The following KCNB2 variants were observed in gnomAD, a reference collection of about 807,000 sequenced individuals.
The protein encoded by KCNB2 is potassium voltage-gated channel subfamily B member 2, also known as delayed rectifier potassium channel protein.
In KCNB2, 15 loss-of-function variants were observed where a neutral mutation model predicts 61.5. That is an observed-to-expected ratio of 0.24 (90% CI 0.16 to 0.38). The LOEUF (loss-of-function observed/expected upper bound fraction) is 0.38. Ranked by LOEUF, KCNB2 falls within the 10% of genes least tolerant of loss-of-function variation. The pLI, the probability that KCNB2 is intolerant of heterozygous loss-of-function variation, is 1.00. For missense variants in KCNB2, 828 were observed against 1,125.2 expected (o/e 0.74, Z 3.78); for synonymous variants, 457 against 446.0 (o/e 1.02, Z -0.31).
intron 2 of KCNB2, among the ~76,000 whole-genome samples, chr8:72,846,119 G>A (rs575717536): frequency 9.8e-5 from 15 of 152,286 alleles, no homozygotes; most frequent in East Asian, 5.8e-4. Context: ...TGTGAAGACC[G>A]TGGGAAAAGC....
intron 2 of KCNB2, among the ~76,000 whole-genome samples, chr8:72,626,612 C>A (rs140672231): frequency 3.2e-4 from 48 of 152,228 alleles, no homozygotes; most frequent in African/African-American, 1.1e-3. Flanking sequence ...ATTTTATTTT[C>A]TTAAAAGGAT....
At chr8:72,848,911 T>A (rs1403769318) in intron 2 of KCNB2, among the ~76,000 whole-genome samples, 1 of 151,814 alleles carries the variant, frequency 6.6e-6, no homozygotes, top group Non-Finnish European at 1.5e-5. Flanking sequence ...CACTAGAATA[T>A]CTCAAAAAAA....
At chr8:72,908,384 A>G (rs1377852726) in intron 2 of KCNB2, among the ~76,000 whole-genome samples, 1 of 152,122 alleles carries the variant, frequency 6.6e-6, no homozygotes, top group East Asian at 1.9e-4. Flanking sequence ...ACTATTATCT[A>G]TCTCCCCAAC....
intron 2 of KCNB2, among the ~76,000 whole-genome samples, chr8:72,785,744 G>A (rs1305915773): frequency 6.6e-6 from 1 of 152,104 alleles, no homozygotes; most frequent in African/African-American, 2.4e-5. Flanking sequence ...CCATAAATCC[G>A]TTTTTCCTTT....
intron 2 of KCNB2, among the ~76,000 whole-genome samples, chr8:72,628,630 T>A (rs188567521): frequency 1.4e-3 from 215 of 152,288 alleles, no homozygotes; most frequent in Middle Eastern, 6.8e-3. Flanking sequence ...AAGGTTGGTA[T>A]CTCAGGAGAA....
At chr8:72,551,307 T>C (rs1224830726) in intron 1 of KCNB2, among the ~76,000 whole-genome samples, 2 of 152,164 alleles carry the variant, frequency 1.3e-5, no homozygotes, top group Non-Finnish European at 2.9e-5. Context: ...CCACTTTTCT[T>C]AGGATAAGGT....
intron 2 of KCNB2, among the ~76,000 whole-genome samples, chr8:72,737,226 C>A (rs1202476888): frequency 2.6e-5 from 4 of 152,090 alleles, no homozygotes; most frequent in Non-Finnish European, 4.4e-5. Flanking sequence ...GTTTAGTTTG[C>A]AAATAATTTC....
intron 2 of KCNB2, among the ~76,000 whole-genome samples, chr8:72,827,493 A>C (rs1167300308): frequency 1.3e-5 from 2 of 152,218 alleles, no homozygotes; most frequent in Admixed American, 6.5e-5. Context: ...TAATTGCTAC[A>C]TCGGGACCCA....
chr8:72,912,789 C>T (rs997603735), intron 2 of KCNB2, among the ~76,000 whole-genome samples: 3 of 152,082 alleles, frequency 2.0e-5, no homozygotes, highest in South Asian at 4.2e-4. Flanking sequence ...AGGCTGCATA[C>T]TTAACTGTTA....
intron 2 of KCNB2, among the ~76,000 whole-genome samples, chr8:72,775,750 G>A (rs892287814): frequency 9.3e-5 from 14 of 151,236 alleles, no homozygotes; most frequent in African/African-American, 2.2e-4. Context: ...TGACCCACAG[G>A]TAAGAATAGC....
At chr8:72,731,686 G>A (rs1035883984) in intron 2 of KCNB2, among the ~76,000 whole-genome samples, 1 of 152,182 alleles carries the variant, frequency 6.6e-6, no homozygotes, top group Non-Finnish European at 1.5e-5. Context: ...CAGGCAATGT[G>A]GAATGCTAAG....
At chr8:72,594,168 G>C (rs999441997) in intron 2 of KCNB2, among the ~76,000 whole-genome samples, 9 of 152,088 alleles carry the variant, frequency 5.9e-5, no homozygotes, top group Non-Finnish European at 1.0e-4. Flanking sequence ...ATATATGATA[G>C]CCTTCAAAGG....
At position 72,797,787 on chromosome 8, in the gene KCNB2, C is replaced by T. The variant is rs555071269; in HGVS notation, c.580-138148C>T. Among the ~76,000 whole-genome samples, 8 of 152,260 alleles carry T rather than the reference C, an allele frequency of 5.3e-5. 1 individual carries two copies. Among genetic ancestry groups the T allele is most frequent in the African/African-American group, 1.2e-4 (5 of 41,536 alleles). On this transcript the variant is annotated intron_variant, in intron 2 of 2. Coordinates refer to ENST00000523207, the MANE Select transcript of KCNB2 (RefSeq NM_004770.3). ...AATACATGACAACTCCCAGGGGTTG[C>T]GTGTAATGCCACTGTGGCATACCCC...
intron 2 of KCNB2, among the ~76,000 whole-genome samples, chr8:72,899,520 T>G (rs1383139211): frequency 6.6e-6 from 1 of 152,142 alleles, no homozygotes; most frequent in Non-Finnish European, 1.5e-5. Context: ...ATAAATGACT[T>G]TAGTAAAGTT....
chr8:72,557,730 C>A (rs1806450834), intron 1 of KCNB2, among the ~76,000 whole-genome samples: 2 of 152,146 alleles, frequency 1.3e-5, no homozygotes, highest in Non-Finnish European at 2.9e-5. Flanking sequence ...TTGTGCATAC[C>A]TGACAGGTGA....
chr8:72,584,592 C>A (rs1437600759), intron 2 of KCNB2, among the ~76,000 whole-genome samples: 2 of 152,124 alleles, frequency 1.3e-5, no homozygotes, highest in East Asian at 3.8e-4. Flanking sequence ...AAGATTCACC[C>A]AATGATAACA....
At chr8:72,767,663 T>A (rs776179345) in intron 2 of KCNB2, among the ~76,000 whole-genome samples, 1 of 152,274 alleles carries the variant, frequency 6.6e-6, no homozygotes, top group Non-Finnish European at 1.5e-5. Context: ...ACATTGAGGC[T>A]ATTATGAATA....
At chr8:72,772,928 C>T (rs143874697) in intron 2 of KCNB2, among the ~76,000 whole-genome samples, 18 of 152,314 alleles carry the variant, frequency 1.2e-4, no homozygotes, top group Middle Eastern at 3.4e-3. Context: ...CTAAGGCATT[C>T]TAAAGCCCTT....
At chr8:72,685,399 G>C (rs574906581) in intron 2 of KCNB2, among the ~76,000 whole-genome samples, 1 of 152,006 alleles carries the variant, frequency 6.6e-6, no homozygotes, top group Admixed American at 6.6e-5. Context: ...AAGTTCGTGC[G>C]ATATGCCATG....
Sources: allele counts gnomAD v4.1 joint callset (sites outside exome capture counted in the v4.1 genomes callset), GRCh38; gene constraint gnomAD v4.1.1; transcripts MANE v1.5; gene names NCBI Gene and HGNC (gene_info 2026-07-23, HGNC 2026-07-21).